Variants in CNTLN observed in about 807,000 individuals in gnomAD.
CNTLN encodes centlein, centrosomal protein.
CNTLN carries 212 observed loss-of-function variants against 180.0 expected under a neutral mutation model. That is an observed-to-expected ratio of 1.18 (90% CI 1.05 to 1.32). The LOEUF is 1.32. CNTLN is among the 40% of genes most tolerant of loss of function. The pLI is 0.00. For synonymous variants in CNTLN, 722 were observed against 563.1 expected (o/e 1.28, Z -3.99); for missense variants, 2,095 against 1,610.9 (o/e 1.30, Z -5.14).
At position 17,135,365 on chromosome 9, in the gene CNTLN, C is replaced by A; in HGVS notation, c.300C>A (p.Thr100=). The part of the protein sequence containing the change: ...EGISVEEAMV[T]RTQLLEEELS... ...TCTCGGTAGAGGAGGCGATGGTGAC[C>A]CGGACGCAGCTGCTGGAGGAAGAGC... The change falls in exon 1 of 26, where the codon ACC becomes ACA. Residue 100 remains threonine (T), a synonymous_variant. Transcript: ENST00000380647. 1 of 1,599,938 alleles carries A rather than the reference C, an allele frequency of 6.3e-7. No homozygotes were observed. Among genetic ancestry groups the A allele is most frequent in the Non-Finnish European group, 8.5e-7 (1 of 1,174,194 alleles).
At chr9:17,298,108 C>G (rs2132788277) in intron 6 of CNTLN, 82 bp from the exon 7 acceptor site, 1 of 1,217,756 alleles carries the variant, frequency 8.2e-7, no homozygotes, top group East Asian at 2.8e-5. Context: ...GGATGCCAAT[C>G]TGTAACCTTA....
In CNTLN at chr9:17,413,005, A is replaced by G. The variant is rs1338701009; in HGVS notation, c.2797-2783A>G. ...AAAATTAAATAACTATGTTTGCCCC[A>G]CAGATGGTGGCATTAATCCTTATCA... On this transcript the variant is annotated intron_variant, in intron 16 of 25. Transcript: ENST00000380647. Among the ~76,000 whole-genome samples, 3 of 152,160 alleles carry G rather than the reference A, an allele frequency of 2.0e-5. No individual in the cohort carries two copies. In the East Asian group the frequency reaches 5.8e-4, roughly 29 times the overall value.
the CNTLN span, among the ~76,000 whole-genome samples, chr9:17,521,028 A>C: frequency 6.6e-6 from 1 of 152,178 alleles, no homozygotes; most frequent in African/African-American, 2.4e-5. Context: ...CTGGCTTGTA[A>C]TAGGAGTCTA....
chr9:17,149,966 CT>C (rs1179361578), intron 2 of CNTLN, among the ~76,000 whole-genome samples: 4 of 152,134 alleles, frequency 2.6e-5, no homozygotes, highest in African/African-American at 9.7e-5. Context: ...TGAGAAGTGT[CT>C]GTTCATATCC....
At chr9:17,487,261 T>C (rs1281442931) in intron 25 of CNTLN, 195 bp downstream of exon 25, 2 of 571,270 alleles carry the variant, frequency 3.5e-6, no homozygotes, top group African/African-American at 3.9e-5. Flanking sequence ...AACAAATACC[T>C]TGGGATAGAG....
rs929440397 is a variant in CNTLN at position 17,502,662 on chromosome 9, G to C, written c.*10G>C. ...GAAAGATATTAGATGATATTAAAAT[G>C]GAGAGCTTTATTGCAAATGTGAAAA... On this transcript the variant is annotated 3_prime_UTR_variant, in exon 26 of 26. Transcript: ENST00000380647. 1.8e-6 allele frequency: 2 copies of C among 1,119,530 alleles called. No individual in the cohort carries two copies. The highest frequency in any genetic ancestry group is 3.3e-5 in the African/African-American group (2 of 60,938). The allele number at this position is 1,119,530 out of a possible 1,614,324, so 69.3% of individuals were successfully genotyped here.
At chr9:17,405,709 C>T (rs562456060) in intron 15 of CNTLN, among the ~76,000 whole-genome samples, 23 of 151,864 alleles carry the variant, frequency 1.5e-4, no homozygotes, top group African/African-American at 5.3e-4. Flanking sequence ...TTATTAACAT[C>T]ATTGTTACCA....
intron 7 of CNTLN, among the ~76,000 whole-genome samples, chr9:17,307,916 T>C (rs1360352826): frequency 2.0e-5 from 3 of 151,734 alleles, no homozygotes; most frequent in Non-Finnish European, 4.4e-5. Context: ...AATTTTGAGA[T>C]TTTTACATTT....
chr9:17,242,610 C>T (rs978227332), intron 5 of CNTLN, among the ~76,000 whole-genome samples: 8 of 152,288 alleles, frequency 5.3e-5, no homozygotes, highest in African/African-American at 1.9e-4. Flanking sequence ...CACACCTGGC[C>T]AGGTTTTGTC....
intron 18 of CNTLN, among the ~76,000 whole-genome samples, chr9:17,434,250 C>T (rs964709294): frequency 2.1e-4 from 32 of 151,856 alleles, no homozygotes; most frequent in African/African-American, 7.2e-4. Flanking sequence ...TATTTCTGCT[C>T]TTATCTTTAT....
Position 17,238,467 on chromosome 9 carries a change from G to C in CNTLN, c.849+1879G>C, listed in dbSNP as rs140770326. Reference sequence around the variant, plus strand: ...AAAGAATTCTCATAGCTACCTTCCTGGAAAGTAGATCTTATGACCCTCATT... The same window carrying C: ...AAAGAATTCTCATAGCTACCTTCCTCGAAAGTAGATCTTATGACCCTCATT... On this transcript the variant is annotated intron_variant, in intron 5 of 25. Transcript: ENST00000380647. Among the ~76,000 whole-genome samples, 74 of 152,230 alleles carry C rather than the reference G, an allele frequency of 4.9e-4. 2 individuals are homozygous for C. The highest frequency in any genetic ancestry group is 1.7e-3 in the African/African-American group (71 of 41,544).
intron 2 of CNTLN, among the ~76,000 whole-genome samples, chr9:17,169,013 T>G (rs1820263810): frequency 6.6e-6 from 1 of 152,188 alleles, no homozygotes; most frequent in African/African-American, 2.4e-5. Context: ...TTTTATTTTT[T>G]AAGTGACCGC....
chr9:17,405,767 C>T (rs1827338631), intron 15 of CNTLN, among the ~76,000 whole-genome samples: 1 of 151,528 alleles, frequency 6.6e-6, no homozygotes, highest in Admixed American at 6.6e-5. Context: ...CTATACCTCA[C>T]TTCTGAATTT....
chr9:17,352,523 G>T (rs937136457), intron 12 of CNTLN, among the ~76,000 whole-genome samples: 1 of 150,528 alleles, frequency 6.6e-6, no homozygotes, highest in Non-Finnish European at 1.5e-5. Context: ...GACATATTTT[G>T]AAAACAAATG....
At chr9:17,264,162 T>A (rs1422529628) in intron 5 of CNTLN, among the ~76,000 whole-genome samples, 6 of 143,596 alleles carry the variant, frequency 4.2e-5, no homozygotes, top group South Asian at 2.4e-4. Flanking sequence ...TCTTCTAGGG[T>A]TTTTATGGTT....
chr9:17,391,384 A>G (rs527410299), intron 14 of CNTLN, among the ~76,000 whole-genome samples: 73 of 152,168 alleles, frequency 4.8e-4, no homozygotes, highest in African/African-American at 1.5e-3. Context: ...AGGGAAGAGG[A>G]ATTATGTTTG....
At chr9:17,381,431 A>G (rs1825247010) in intron 13 of CNTLN, among the ~76,000 whole-genome samples, 1 of 152,198 alleles carries the variant, frequency 6.6e-6, no homozygotes, top group African/African-American at 2.4e-5. Flanking sequence ...ACTCAGTATA[A>G]AATTTATTAA....
At chr9:17,347,984 AC>A (rs1331105284) in intron 12 of CNTLN, among the ~76,000 whole-genome samples, 2 of 152,114 alleles carry the variant, frequency 1.3e-5, no homozygotes, top group East Asian at 3.9e-4. Flanking sequence ...GATGCTAGCC[AC>A]CACTTCTGGC....
chr9:17,230,326 T>G (rs79201607), intron 3 of CNTLN, among the ~76,000 whole-genome samples: 2,179 of 152,266 alleles, frequency 0.014, 44 homozygotes, highest in African/African-American at 0.05. Context: ...ATAGTTGCTA[T>G]TTAAACTGCT....
Sources: allele counts gnomAD v4.1 joint callset (sites outside exome capture counted in the v4.1 genomes callset), GRCh38; gene constraint gnomAD v4.1.1; transcripts MANE v1.5; gene names NCBI Gene and HGNC (gene_info 2026-07-23, HGNC 2026-07-21).